Variants in RIC1 observed in about 807,000 individuals in gnomAD.
RIC1 encodes RIC1 partner of RAB6A GEF complex.
Under a neutral mutation model 169.0 loss-of-function variants are expected in RIC1, and 88 were observed. That is an observed-to-expected ratio of 0.52 (90% CI 0.44 to 0.62). The LOEUF (loss-of-function observed/expected upper bound fraction) is 0.62. RIC1 is among the 20% of genes least tolerant of loss of function. RIC1 has a pLI of 0.00. For missense variants in RIC1, 1,877 were observed against 1,725.5 expected, an observed-to-expected ratio of 1.09 and a Z score of -1.56; for synonymous variants, 790 against 601.5, an observed-to-expected ratio of 1.31 and a Z score of -4.59.
At chr9:5,766,520 C>A (rs1387355640) in intron 21 of RIC1, among the ~76,000 whole-genome samples, 1 of 152,106 alleles carries the variant, frequency 6.6e-6, no homozygotes, top group Non-Finnish European at 1.5e-5. Context: ...CCCCCAAGTC[C>A]CCAAAGTCCA....
At position 5,765,707 on chromosome 9, in the gene RIC1, A is replaced by T. The variant is rs1359834558; in HGVS notation, c.3046A>T (p.Ile1016Phe). The change falls in exon 21 of 26, where the codon ATC becomes TTC. Residue 1016 changes from isoleucine to phenylalanine, a missense_variant. Physicochemically the swap from Ile to Phe is conservative, Grantham distance 21 (BLOSUM62 0). Around this residue, in one of 3 missense-constraint regions of RIC1, gnomAD observed 681 missense variants for 582.0 expected, o/e 1.17. Transcript: ENST00000414202. Reference sequence around the variant, plus strand: ...ATTTGAGTTCTTCAGGAATCGAAGCATCAGTTTATCCCAGTCAGCTGAAAA... The same window carrying T: ...ATTTGAGTTCTTCAGGAATCGAAGCTTCAGTTTATCCCAGTCAGCTGAAAA... ...GGFEFFRNRS[I>F]SLSQSAENVP... 6.2e-7 allele frequency: 1 copy of T among 1,614,200 alleles called. No homozygotes were observed. Among genetic ancestry groups the T allele is most frequent in the Non-Finnish European group, 8.5e-7 (1 of 1,180,006 alleles).
intron 3 of RIC1, among the ~76,000 whole-genome samples, chr9:5,711,500 ATT>A (rs1317636539): frequency 1.3e-5 from 2 of 151,900 alleles, no homozygotes; most frequent in African/African-American, 4.8e-5. Flanking sequence ...CAGAGCTGTT[ATT>A]TTAGGAGTTG....
chr9:5,654,559 T>A (rs1461335992), intron 1 of RIC1, among the ~76,000 whole-genome samples: 1 of 151,904 alleles, frequency 6.6e-6, no homozygotes, highest in Non-Finnish European at 1.5e-5. Flanking sequence ...TGTTTTTGTT[T>A]TTGAGATTCA....
intron 2 of RIC1, among the ~76,000 whole-genome samples, chr9:5,661,724 C>G (rs994886154): frequency 3.3e-5 from 5 of 152,122 alleles, no homozygotes; most frequent in Admixed American, 6.6e-5. Context: ...GCTTACAAAG[C>G]TTTTGGGCTG....
intron 19 of RIC1, among the ~76,000 whole-genome samples, chr9:5,764,828 A>G (rs1401027304): frequency 6.6e-6 from 1 of 152,194 alleles, no homozygotes; most frequent in African/African-American, 2.4e-5. Context: ...CAGAATTCCT[A>G]AGTTGCTATG....
At chr9:5,717,905 CA>C (rs1215301646) in intron 4 of RIC1, among the ~76,000 whole-genome samples, 1 of 151,038 alleles carries the variant, frequency 6.6e-6, no homozygotes, top group Non-Finnish European at 1.5e-5. Context: ...CTTTGGAGGC[CA>C]AGGTGGGTCG....
At chr9:5,670,054 G>T (rs1039973416) in intron 2 of RIC1, among the ~76,000 whole-genome samples, 3 of 152,194 alleles carry the variant, frequency 2.0e-5, no homozygotes, top group Admixed American at 1.3e-4. Flanking sequence ...TTATGTGTTT[G>T]AGGCACATCA....
intron 3 of RIC1, chr9:5,713,398 G>C (rs1310141165): frequency 6.6e-6 from 1 of 152,348 alleles, no homozygotes; most frequent in Non-Finnish European, 1.5e-5. Context: ...AGTAACTTGT[G>C]AAACATCTCC....
At chr9:5,633,443 T>A (rs1025440163) in intron 1 of RIC1, among the ~76,000 whole-genome samples, 4 of 152,206 alleles carry the variant, frequency 2.6e-5, no homozygotes, top group Admixed American at 6.5e-5. Context: ...GAATGCTCTC[T>A]TGCCTCATTT....
At chr9:5,749,652 C>T (rs1382116112) in intron 12 of RIC1, among the ~76,000 whole-genome samples, 1 of 151,716 alleles carries the variant, frequency 6.6e-6, no homozygotes, top group Non-Finnish European at 1.5e-5. Flanking sequence ...ACCTTATACT[C>T]CTTAGCTTCC....
At chr9:5,711,343 A>G (rs1181118412) in intron 3 of RIC1, among the ~76,000 whole-genome samples, 1 of 152,084 alleles carries the variant, frequency 6.6e-6, no homozygotes, top group Admixed American at 6.6e-5. Flanking sequence ...TTCATATACT[A>G]TATCATTCAA....
intron 1 of RIC1, among the ~76,000 whole-genome samples, chr9:5,655,835 C>T (rs1256095415): frequency 6.6e-6 from 1 of 151,630 alleles, no homozygotes; most frequent in Non-Finnish European, 1.5e-5. Context: ...GGTTTTATAT[C>T]TATGTTCATA....
chr9:5,772,941 G>A lies in RIC1; in HGVS notation c.3844G>A (p.Val1282Ile), dbSNP rs565348578. ...MEAGCLDWCI[V>I]IGLILRESSI... ...GGCAGGGTGCCTAGACTGGTGCATC[G>A]TTATAGGCCTGATTCTTAGAGAATC... The change falls in exon 25 of 26, where the codon GTT (valine) becomes ATT (isoleucine). Residue 1282 changes from valine to isoleucine, a missense_variant. Physicochemically the swap from Val to Ile is conservative, Grantham distance 29. Transcript: ENST00000414202. 9.3e-6 allele frequency: 15 copies of A among 1,613,738 alleles called. No homozygotes were observed. Among genetic ancestry groups the A allele is most frequent in the African/African-American group, 6.7e-5 (5 of 75,006 alleles).
intron 2 of RIC1, among the ~76,000 whole-genome samples, chr9:5,686,619 G>T (rs1397592868): frequency 2.4e-5 from 3 of 126,014 alleles, no homozygotes; most frequent in Non-Finnish European, 3.2e-5. Context: ...ACACTCTGGG[G>T]ACTGTGGTGG....
At chr9:5,701,140 A>G (rs905714145) in intron 3 of RIC1, among the ~76,000 whole-genome samples, 2 of 152,250 alleles carry the variant, frequency 1.3e-5, no homozygotes, top group African/African-American at 4.8e-5. Context: ...CATTTGTGGT[A>G]AAACTGTGGT....
intron 1 of RIC1, among the ~76,000 whole-genome samples, chr9:5,638,358 A>G (rs1408258231): frequency 6.6e-6 from 1 of 152,178 alleles, no homozygotes; most frequent in Non-Finnish European, 1.5e-5. Context: ...TCCTGGCCTC[A>G]TAGAATGAGT....
intron 3 of RIC1, among the ~76,000 whole-genome samples, chr9:5,691,537 G>C (rs1351346077): frequency 6.6e-6 from 1 of 151,754 alleles, no homozygotes; most frequent in African/African-American, 2.4e-5. Flanking sequence ...AAAAATTTTT[G>C]ACACATAAAT....
At chr9:5,640,469 C>G (rs569554861) in intron 1 of RIC1, among the ~76,000 whole-genome samples, 16 of 152,202 alleles carry the variant, frequency 1.1e-4, no homozygotes, top group African/African-American at 3.9e-4. Context: ...TCTTACTGTA[C>G]TATGTCTTGA....
chr9:5,771,429 T>TG (rs1827213941), intron 23 of RIC1, among the ~76,000 whole-genome samples: 1 of 152,204 alleles, frequency 6.6e-6, no homozygotes, highest in Non-Finnish European at 1.5e-5. Context: ...ATTCTTCTGA[T>TG]GATGGACACT....
Sources: gnomAD v4.1 joint callset for allele counts (sites outside exome capture counted in the v4.1 genomes callset) on GRCh38, gnomAD v4.1.1 for gene constraint, gnomAD v4.1.1 regional missense constraint, MANE v1.5 for transcripts, NCBI Gene and HGNC (gene_info 2026-07-23, HGNC 2026-07-21) for gene names.